Variants in ACTR6 observed in about 807,000 individuals in gnomAD.
ACTR6 encodes the protein actin related protein 6.
Under a neutral mutation model 52.5 loss-of-function variants are expected in ACTR6, and 50 were observed. That is an observed-to-expected ratio of 0.95 (90% CI 0.76 to 1.20). The LOEUF (loss-of-function observed/expected upper bound fraction) is 1.20. Ranked by LOEUF, ACTR6 falls within the 50% of genes most tolerant of loss-of-function variation. ACTR6 has a pLI of 0.00. For synonymous variants in ACTR6, 135 were observed against 147.2 expected, an observed-to-expected ratio of 0.92 and a Z score of 0.60; for missense variants, 344 against 472.4, an observed-to-expected ratio of 0.73 and a Z score of 2.52.
At chr12:100,209,999 T>C in intron 4 of ACTR6, 74 bp from the exon 5 acceptor site, 1 of 1,372,420 alleles carries the variant, frequency 7.3e-7, no homozygotes. Flanking sequence ...GGTGCTTGTC[T>C]TTGTTTCCTA....
chr12:100,200,999 TG>T (rs748320598), intron 1 of ACTR6, 80 bp downstream of exon 1: 82 of 1,608,650 alleles, frequency 5.1e-5, no homozygotes, highest in Non-Finnish European at 6.8e-5. Context: ...CGGACATCAA[TG>T]AACTGCAGAC....
chr12:100,221,136 A>G (rs1337620547), intron 10 of ACTR6, among the ~76,000 whole-genome samples: 1 of 152,226 alleles, frequency 6.6e-6, no homozygotes, highest in Non-Finnish European at 1.5e-5. Context: ...CAAATGCCCT[A>G]TGGTGAGTTA....
At chr12:100,220,275 T>G (rs2153901135) in intron 10 of ACTR6, 129 bp downstream of exon 10, 1 of 905,630 alleles carries the variant, frequency 1.1e-6, no homozygotes, top group South Asian at 1.8e-5. Flanking sequence ...TATTCATTTT[T>G]CTTCTTTCAA....
chr12:100,210,395 A>G (rs2096118887), intron 6 of ACTR6, 44 bp downstream of exon 6: 2 of 1,571,600 alleles, frequency 1.3e-6, no homozygotes, highest in Middle Eastern at 1.7e-4. Context: ...GGCTCTGGGG[A>G]GGAACCTTTT....
At position 100,218,658 on chromosome 12, in the gene ACTR6, T is replaced by A; in HGVS notation, c.922+72T>A. The A allele has an allele frequency of 9.6e-7, 1 of 1,045,618 alleles. No individual in the cohort carries two copies. The highest frequency in any genetic ancestry group is 1.3e-6 in the Non-Finnish European group (1 of 797,184). The allele number at this position is 1,045,618 out of a possible 1,614,324, so 64.8% of individuals were successfully genotyped here. The stretch of plus-strand genomic sequence containing the variant: ...ACATCATAAGCCCTGTGAACCCTGT[T>A]TCCTCTAAATAATTTCAGGCAAATT... On this transcript the variant is annotated intron_variant, in intron 9 of 10. Transcript: ENST00000188312. This position sits in a 1 kb window ranked among gnomAD's most constrained non-coding sequence, Gnocchi z 4.2.
chr12:100,203,372 CT>C (rs2153899840), intron 1 of ACTR6, among the ~76,000 whole-genome samples: 1 of 151,644 alleles, frequency 6.6e-6, no homozygotes, highest in South Asian at 2.1e-4. Flanking sequence ...GGCACAATCT[CT>C]GCTCACTGCA....
rs1200575625 is a variant in ACTR6, at chr12:100,223,935, G to A, written c.*20G>A. The A allele has an allele frequency of 1.9e-6, 3 of 1,598,342 alleles. No individual in the cohort carries two copies. Among genetic ancestry groups the A allele is most frequent in the Non-Finnish European group, 2.6e-6 (3 of 1,176,136 alleles). On this transcript the variant is annotated 3_prime_UTR_variant, in exon 11 of 11. Transcript: ENST00000188312. Reference sequence around the variant, plus strand: ...ATTTAAGCAACATTTTTGAATGAAAGTTGTGACCATAAGGTTTAATTTCAA... The same window carrying A: ...ATTTAAGCAACATTTTTGAATGAAAATTGTGACCATAAGGTTTAATTTCAA...
Position 100,223,889 on chromosome 12 carries a change from G to A in ACTR6, c.1165G>A (p.Val389Ile), listed in dbSNP as rs764553782. 1.8e-5 allele frequency: 29 copies of A among 1,607,046 alleles called. No individual in the cohort carries two copies. Among genetic ancestry groups the A allele is most frequent in the Admixed American group, 6.9e-5 (4 of 58,238 alleles). ...AGATTACGAAGAAAATGGACATAGC[G>A]TCTGTGAAGAGAAATTTGATATTTA... is the stretch of plus-strand genomic sequence containing the variant. Reference protein sequence around the residue: ...REDYEENGHSVCEEKFDI With the variant: ...REDYEENGHSICEEKFDI The change falls in exon 11 of 11, where the codon GTC becomes ATC. Residue 389 changes from valine to isoleucine, a missense_variant. By Grantham distance (29) the Val-to-Ile change is conservative. Coordinates refer to ENST00000188312, the MANE Select transcript of ACTR6 (RefSeq NM_022496.5).
In ACTR6 at chr12:100,218,265, A is replaced by G. The variant is rs2096125401; in HGVS notation, c.751-150A>G. The G allele has an allele frequency of 4.5e-6, 2 of 446,476 alleles. No homozygotes were observed. The highest frequency in any genetic ancestry group is 6.8e-6 in the Non-Finnish European group (2 of 293,258). The allele number at this position is 446,476 out of a possible 1,614,324, so 27.7% of individuals were successfully genotyped here. A position where few individuals can be genotyped will look rare whatever the true frequency, so the allele number is the denominator to read the frequency against. ...TTGGCAACAGTAAAGGCAGCCACACATTCTTCTAAATTTTGAGAATCCTGA... is the reference window on the plus strand; with the variant it reads ...TTGGCAACAGTAAAGGCAGCCACACGTTCTTCTAAATTTTGAGAATCCTGA... On this transcript the variant is annotated intron_variant, in intron 8 of 10. Coordinates refer to ENST00000188312, the MANE Select transcript of ACTR6 (RefSeq NM_022496.5). This position sits in a 1 kb window ranked among gnomAD's most constrained non-coding sequence, Gnocchi z 4.2.
At position 100,223,661 on chromosome 12, in the gene ACTR6, C is replaced by T. The variant is rs1052983226; in HGVS notation, c.1062-125C>T. On this transcript the variant is annotated intron_variant, in intron 10 of 10. Transcript: ENST00000188312. Reference sequence around the variant, plus strand: ...CAATTTTCTGTTGGGTTGGGTAGAGCTTGCCACATTTTAATGGCAAAAAAA... The same window carrying T: ...CAATTTTCTGTTGGGTTGGGTAGAGTTTGCCACATTTTAATGGCAAAAAAA... 20 of 1,184,354 alleles carry T rather than the reference C, an allele frequency of 1.7e-5. No individual in the cohort carries two copies. In the African/African-American group the frequency reaches 2.7e-4, roughly 16 times the overall value. 73.4% of individuals were successfully genotyped at this position (1,184,354 alleles called of 1,614,324 possible).
Position 100,212,315 on chromosome 12 carries a change from A to G in ACTR6, c.632A>G (p.Tyr211Cys), listed in dbSNP as rs1387153176. The G allele has an allele frequency of 3.1e-6, 5 of 1,612,596 alleles. No individual in the cohort carries two copies. The highest frequency in any genetic ancestry group is 2.2e-5 in the South Asian group (2 of 90,740). ...VINQVKEDVCYVSQDFYRDMD... is the reference protein window; with the variant it reads ...VINQVKEDVCCVSQDFYRDMD... Reference sequence around the variant, plus strand: ...AATCAAGTGAAAGAAGATGTATGCTATGTGTCTCAGGATTTTTATAGAGAC... The same window carrying G: ...AATCAAGTGAAAGAAGATGTATGCTGTGTGTCTCAGGATTTTTATAGAGAC... Residue 211 changes from tyrosine (Y) to cysteine (C), a missense_variant, in exon 7 of 11, where the codon TAT becomes TGT. Transcript: ENST00000188312.
In ACTR6 at chr12:100,207,794, C is replaced by A. The variant is rs2153900161; in HGVS notation, c.379+8C>A. On this transcript the variant is annotated splice_region_variant and intron_variant, in intron 4 of 10. Coordinates refer to ENST00000188312, the MANE Select transcript of ACTR6 (RefSeq NM_022496.5). ...CAGTATTAAGAGTAAATGGTGAGTTCAAGTTTTCACTGAAATTGAGTTATA... is the reference window on the plus strand; with the variant it reads ...CAGTATTAAGAGTAAATGGTGAGTTAAAGTTTTCACTGAAATTGAGTTATA... 2 of 1,591,066 alleles carry A rather than the reference C, an allele frequency of 1.3e-6. No individual in the cohort carries two copies. The highest frequency in any genetic ancestry group is 2.2e-5 in the South Asian group (2 of 90,678).
Position 100,203,689 on chromosome 12 carries a change from C to T in ACTR6, c.69-1251C>T, listed in dbSNP as rs1335062912. On this transcript the variant is annotated intron_variant, in intron 1 of 10. Coordinates refer to ENST00000188312, the MANE Select transcript of ACTR6 (RefSeq NM_022496.5). ...TTTTTGAGACGGAGTCTCGCTCTGT[C>T]GTCCAGGCTGGAATGCAGTGGCGTG... 6.6e-5 allele frequency: 8 copies of T among 120,908 alleles called. No homozygotes were observed. The Admixed American group carries it at 8.2e-4, about 12-fold the overall frequency. The allele number at this position is 120,908 out of a possible 1,614,324, so 7.5% of individuals were successfully genotyped here.
At position 100,212,345 on chromosome 12, in the gene ACTR6, A is replaced by G; in HGVS notation, c.662A>G (p.Asp221Gly). 1 of 1,608,734 alleles carries G rather than the reference A, an allele frequency of 6.2e-7. No individual in the cohort carries two copies. The highest frequency in any genetic ancestry group is 1.1e-5 in the South Asian group (1 of 90,730). ...YVSQDFYRDM[D>G]IAKLKGEENT... ...TCTCAGGATTTTTATAGAGACATGGATATTGCAAAGTATGTATAATGACAA... is the reference window on the plus strand; with the variant it reads ...TCTCAGGATTTTTATAGAGACATGGGTATTGCAAAGTATGTATAATGACAA... The change falls in exon 7 of 11, where the codon GAT (aspartate) becomes GGT (glycine). Residue 221 changes from aspartate (D) to glycine (G), a missense_variant. Coordinates refer to ENST00000188312, the MANE Select transcript of ACTR6 (RefSeq NM_022496.5).
At chr12:100,201,966 C>A (rs1246943436) in intron 1 of ACTR6, among the ~76,000 whole-genome samples, 5 of 149,340 alleles carry the variant, frequency 3.3e-5, no homozygotes, top group Admixed American at 3.3e-4. Flanking sequence ...GAGTCTGGCT[C>A]TCTTGTCCAG....
rs113140147 is a variant in ACTR6, at chr12:100,212,564, G to A, written c.750+36G>A. Reference sequence around the variant, plus strand: ...AAAACCATCAATGGTTGGTTGCTGCGGCTCCTGTCTATAATCCCAGCACTT... The same window carrying A: ...AAAACCATCAATGGTTGGTTGCTGCAGCTCCTGTCTATAATCCCAGCACTT... On this transcript the variant is annotated intron_variant, in intron 8 of 10. Transcript: ENST00000188312. 683 of 1,514,504 alleles carry A rather than the reference G, an allele frequency of 4.5e-4. 3 individuals carry two copies. In the African/African-American group the frequency reaches 7.7e-3, roughly 17 times the overall value. The allele number at this position is 1,514,504 out of a possible 1,614,324, so 93.8% of individuals were successfully genotyped here.
intron 4 of ACTR6, 26 bp downstream of exon 4, chr12:100,207,812 G>T (rs2153900163): frequency 6.3e-7 from 1 of 1,581,912 alleles, no homozygotes; most frequent in South Asian, 1.1e-5. Flanking sequence ...CACTGAAATT[G>T]AGTTATATGA....
chr12:100,218,287 C>T lies in ACTR6; in HGVS notation c.751-128C>T, dbSNP rs184875952. On this transcript the variant is annotated intron_variant, in intron 8 of 10. Coordinates refer to ENST00000188312, the MANE Select transcript of ACTR6 (RefSeq NM_022496.5). This position sits in a 1 kb window ranked among gnomAD's most constrained non-coding sequence, Gnocchi z 4.2. ...CACATTCTTCTAAATTTTGAGAATC[C>T]TGAAACTTCCAAGAACATTATTAAT... 2.3e-4 allele frequency: 140 copies of T among 597,182 alleles called. No homozygotes were observed. Among genetic ancestry groups the T allele is most frequent in the African/African-American group, 2.3e-3 (120 of 51,258 alleles). 37.0% of individuals were successfully genotyped at this position (597,182 alleles called of 1,614,324 possible).
chr12:100,209,703 T>C (rs1187046631), intron 4 of ACTR6, among the ~76,000 whole-genome samples: 5 of 152,250 alleles, frequency 3.3e-5, no homozygotes, highest in African/African-American at 7.2e-5. Flanking sequence ...AGGTTCCTTA[T>C]CTGTAAAATG....
Sources: gnomAD v4.1 joint callset for allele counts (sites outside exome capture counted in the v4.1 genomes callset) on GRCh38, gnomAD v4.1.1 for gene constraint, Gnocchi (gnomAD v3.1) non-coding constraint, MANE v1.5 for transcripts, NCBI Gene and HGNC (gene_info 2026-07-23, HGNC 2026-07-21) for gene names.